LCOR: variants seen among roughly 807,000 people sequenced by gnomAD.
LCOR encodes the protein ligand-dependent corepressor.
A neutral mutation model predicts 64.4 loss-of-function variants in LCOR; 14 were observed. The ratio of observed to expected loss-of-function variants is 0.22; its 90% CI spans 0.14 to 0.34. LCOR has a LOEUF of 0.34. LCOR is among the 10% of genes least tolerant of loss of function. The pLI is 1.00. For synonymous variants in LCOR, 643 were observed against 642.5 expected (o/e 1.00, Z -0.01); for missense variants, 1,686 against 1,765.3 (o/e 0.96, Z 0.80).
At chr10:96,922,305 T>C (rs1478021910) in intron 4 of LCOR, among the ~76,000 whole-genome samples, 2 of 152,160 alleles carry the variant, frequency 1.3e-5, no homozygotes, top group African/African-American at 4.8e-5. Context: ...ATAAAGATGC[T>C]ATAAGTGAAA....
At chr10:96,957,779 C>G in intron 7 of LCOR, 1 of 985,514 alleles carries the variant, frequency 1.0e-6, no homozygotes, top group Non-Finnish European at 1.2e-6. Context: ...AAAATACATG[C>G]ACTGCTCATT....
intron 2 of LCOR, among the ~76,000 whole-genome samples, chr10:96,901,626 T>G (rs1673859642): frequency 6.6e-6 from 1 of 152,212 alleles, no homozygotes; most frequent in South Asian, 2.1e-4. Context: ...TGCCTTTTCT[T>G]GCTCTAAAAA....
chr10:96,995,130 G>A lies in LCOR; in HGVS notation c.*9996G>A, dbSNP rs925552030. 3.9e-5 allele frequency: 6 copies of A among 152,198 alleles called. No individual in the cohort carries two copies. The highest frequency in any genetic ancestry group is 3.8e-4 in the East Asian group (2 of 5,202). 9.4% of individuals were successfully genotyped at this position (152,198 alleles called of 1,614,324 possible). A position where few individuals can be genotyped will look rare whatever the true frequency, so the allele number is the denominator to read the frequency against. ...AGTTTAGGGCAGGGGCTGCTGATCC[G>A]GCTGTGGATTCAGGGAGCTCTAAAA... On this transcript the variant is annotated 3_prime_UTR_variant, in exon 8 of 8. Transcript: ENST00000421806. The surrounding 1 kb of genome is among the most constrained non-coding windows in gnomAD (Gnocchi z 4.2).
At chr10:96,979,718 G>T (rs536910577) in intron 7 of LCOR, among the ~76,000 whole-genome samples, 1 of 152,290 alleles carries the variant, frequency 6.6e-6, no homozygotes, top group Non-Finnish European at 1.5e-5. Context: ...TGCGAATTGG[G>T]ACTTGCTTGT....
intron 2 of LCOR, among the ~76,000 whole-genome samples, chr10:96,845,764 G>A (rs1352873453): frequency 6.6e-6 from 1 of 151,386 alleles, no homozygotes. Flanking sequence ...ACCGCACCCG[G>A]CCAAAATGGG....
At position 96,981,439 on chromosome 10, in the gene LCOR, G is replaced by T. The variant is rs1192688124; in HGVS notation, c.979G>T (p.Ala327Ser). The T allele has an allele frequency of 1.2e-6, 2 of 1,614,186 alleles. No homozygotes were observed. Among genetic ancestry groups the T allele is most frequent in the Admixed American group, 3.3e-5 (2 of 60,020 alleles). ...AAGTCTAATTACAGTAAAAATGGCA[G>T]CTGAGAATAGTGAGGAAGGCAATAC... is the stretch of plus-strand genomic sequence containing the variant. ...VESLITVKMA[A>S]ENSEEGNTCI... is the part of the protein sequence containing the mutation. The change falls in exon 8 of 8, where the codon GCT becomes TCT. Residue 327 changes from alanine (A) to serine (S), a missense_variant. Ala to Ser is a moderately conservative substitution (Grantham distance 99, BLOSUM62 1). Coordinates refer to ENST00000421806, the MANE Select transcript of LCOR (RefSeq NM_001346516.2).
intron 7 of LCOR, chr10:96,963,175 T>C (rs779329737): frequency 6.6e-6 from 1 of 152,190 alleles, no homozygotes; most frequent in East Asian, 1.9e-4. Context: ...CAGTTATTAC[T>C]ACTGAGCAGA....
At chr10:96,952,264 TC>T (rs1847694665) in intron 7 of LCOR, 68 bp downstream of exon 7, 2 of 1,041,248 alleles carry the variant, frequency 1.9e-6, no homozygotes, top group African/African-American at 3.2e-5. Flanking sequence ...GATGCCAGTC[TC>T]CCTTTTACAT....
At chr10:96,920,880 C>T (rs1023809786) in intron 4 of LCOR, among the ~76,000 whole-genome samples, 23 of 151,792 alleles carry the variant, frequency 1.5e-4, no homozygotes, top group African/African-American at 5.1e-4. Context: ...TTGCTGCAGC[C>T]GTGACCTCCC....
At chr10:96,900,524 GA>G (rs576323078) in intron 2 of LCOR, among the ~76,000 whole-genome samples, 6 of 151,048 alleles carry the variant, frequency 4.0e-5, no homozygotes, top group African/African-American at 1.5e-4. Flanking sequence ...GTTTTTAAAA[GA>G]AAAAAACTAA....
intron 4 of LCOR, among the ~76,000 whole-genome samples, chr10:96,929,740 C>T (rs1176640897): frequency 1.3e-5 from 2 of 152,156 alleles, no homozygotes; most frequent in Non-Finnish European, 2.9e-5. Flanking sequence ...TCACTAAGCT[C>T]AATCATTTAA....
intron 7 of LCOR, among the ~76,000 whole-genome samples, chr10:96,952,828 A>T (rs1847704612): frequency 6.6e-6 from 1 of 152,206 alleles, no homozygotes; most frequent in Admixed American, 6.5e-5. Context: ...AACCAACTAG[A>T]AAAGTCAGGT....
chr10:96,852,033 T>C (rs1341358964), intron 2 of LCOR, among the ~76,000 whole-genome samples: 1 of 152,226 alleles, frequency 6.6e-6, no homozygotes, highest in African/African-American at 2.4e-5. Context: ...TCCACATGGG[T>C]GGCTGAGAAG....
Position 96,985,360 on chromosome 10 carries a change from G to T in LCOR, c.*226G>T. Reference sequence around the variant, plus strand: ...TATATTATATTCTGGTTGTTCCTTGGGTTTTAAACTTGGAACCAAGCAGTT... The same window carrying T: ...TATATTATATTCTGGTTGTTCCTTGTGTTTTAAACTTGGAACCAAGCAGTT... On this transcript the variant is annotated 3_prime_UTR_variant, in exon 8 of 8. Coordinates refer to ENST00000421806, the MANE Select transcript of LCOR (RefSeq NM_001346516.2). The T allele has an allele frequency of 2.1e-6, 1 of 467,786 alleles. No individual in the cohort carries two copies. Among genetic ancestry groups the T allele is most frequent in the Admixed American group, 4.1e-5 (1 of 24,162 alleles). The allele number at this position is 467,786 out of a possible 1,614,324, so 29.0% of individuals were successfully genotyped here. A position where few individuals can be genotyped will look rare whatever the true frequency, so the allele number is the denominator to read the frequency against.
chr10:96,951,172 T>A (rs1847671933), intron 6 of LCOR, among the ~76,000 whole-genome samples: 2 of 152,154 alleles, frequency 1.3e-5, no homozygotes, highest in Admixed American at 1.3e-4. Context: ...GTTCTGTTAA[T>A]TTTGGACAGA....
At chr10:96,891,123 G>A (rs1314894646) in intron 2 of LCOR, among the ~76,000 whole-genome samples, 2 of 151,980 alleles carry the variant, frequency 1.3e-5, no homozygotes, top group African/African-American at 4.8e-5. Context: ...TTCTTTAAAT[G>A]TTTGGTAGGA....
At chr10:96,936,158 C>CT (rs1847347360) in intron 4 of LCOR, among the ~76,000 whole-genome samples, 1 of 152,260 alleles carries the variant, frequency 6.6e-6, no homozygotes, top group Non-Finnish European at 1.5e-5. Flanking sequence ...CAACATGCCC[C>CT]TGCAAAGGGG....
intron 2 of LCOR, among the ~76,000 whole-genome samples, chr10:96,850,843 A>G (rs1041984981): frequency 6.6e-6 from 1 of 152,226 alleles, no homozygotes; most frequent in Non-Finnish European, 1.5e-5. Context: ...ACTGATGACA[A>G]TCTGATGCCA....
At position 96,982,901 on chromosome 10, in the gene LCOR, A is replaced by G. The variant is rs139265608; in HGVS notation, c.2441A>G (p.Asp814Gly). The G allele has an allele frequency of 3.8e-4, 607 of 1,614,096 alleles. 7 individuals are homozygous for G. In the African/African-American group the frequency reaches 7.5e-3, roughly 20 times the overall value. The change falls in exon 8 of 8, where the codon GAT becomes GGT. Residue 814 changes from aspartate to glycine, a missense_variant. By Grantham distance (94) the Asp-to-Gly change is moderately conservative (BLOSUM62 -1). This residue lies in a region of LCOR where 1,293 missense variants were observed against 1,410.4 expected (regional missense o/e 0.92). Transcript: ENST00000421806. ...GGTAAAAAATTCCCTGAGGCCTCTG[A>G]TAGGTGCCTAAGAAGTCAACTTTCG... ...KKGKKFPEAS[D>G]RCLRSQLSDS...
Sources: gnomAD v4.1 joint callset for allele counts (sites outside exome capture counted in the v4.1 genomes callset) on GRCh38, gnomAD v4.1.1 for gene constraint, gnomAD v4.1.1 regional missense constraint, Gnocchi (gnomAD v3.1) non-coding constraint, MANE v1.5 for transcripts, NCBI Gene and HGNC (gene_info 2026-07-23, HGNC 2026-07-21) for gene names.